The following CEP83 variants were observed in gnomAD, a reference collection of about 807,000 sequenced individuals.
CEP83 encodes centrosomal protein of 83 kDa.
A neutral mutation model predicts 101.9 loss-of-function variants in CEP83; 70 were observed. The observed-to-expected ratio is 0.69, with a 90% confidence interval of 0.57 to 0.84. The LOEUF is 0.84. Ranked by LOEUF, CEP83 falls within the 40% of genes least tolerant of loss-of-function variation. The pLI is 0.00. For missense variants in CEP83, 715 were observed against 787.2 expected (o/e 0.91, Z 1.10); for synonymous variants, 264 against 267.9 (o/e 0.99, Z 0.14).
chr12:94,272,848 A>G, the CEP83 span, among the ~76,000 whole-genome samples: 651 of 152,310 alleles, frequency 4.3e-3, 19 homozygotes, highest in Admixed American at 0.039. Flanking sequence ...GGGGTTCAAT[A>G]TCAAGCTGGG....
chr12:94,410,864 T>A (rs1428116930), intron 4 of CEP83, among the ~76,000 whole-genome samples: 1 of 152,106 alleles, frequency 6.6e-6, no homozygotes, highest in African/African-American at 2.4e-5. Context: ...AATGGTAGAT[T>A]TGAAAAAGTT....
At chr12:94,406,603 A>C (rs2063549602) in intron 4 of CEP83, among the ~76,000 whole-genome samples, 1 of 152,120 alleles carries the variant, frequency 6.6e-6, no homozygotes, top group African/African-American at 2.4e-5. Context: ...GAACTAGAGA[A>C]AAGACTGAAC....
intron 4 of CEP83, 145 bp downstream of exon 4, chr12:94,411,549 AAAG>A (rs2063882487): frequency 3.3e-6 from 2 of 601,422 alleles, no homozygotes; most frequent in Admixed American, 3.0e-5. Context: ...AAAATATATG[AAAG>A]AAGATTAAAT....
At chr12:94,449,933 A>G (rs2067127061) in intron 1 of CEP83, among the ~76,000 whole-genome samples, 2 of 152,180 alleles carry the variant, frequency 1.3e-5, no homozygotes, top group Admixed American at 1.3e-4. Context: ...AGATGCAGGA[A>G]AAAACATGAC....
chr12:94,363,786 A>C (rs11107519), intron 11 of CEP83, among the ~76,000 whole-genome samples: 1 of 151,752 alleles, frequency 6.6e-6, no homozygotes, highest in Non-Finnish European at 1.5e-5. Flanking sequence ...GCATCTCTAC[A>C]AAAATACAAA....
chr12:94,448,981 A>C (rs1419145620), intron 1 of CEP83, among the ~76,000 whole-genome samples: 1 of 148,662 alleles, frequency 6.7e-6, no homozygotes, highest in Admixed American at 6.8e-5. Context: ...AAAAATAATC[A>C]GTGAAATAAA....
intron 11 of CEP83, among the ~76,000 whole-genome samples, chr12:94,346,100 G>C (rs961937378): frequency 6.6e-6 from 1 of 152,012 alleles, no homozygotes; most frequent in African/African-American, 2.4e-5. Context: ...GCCCAGGCTG[G>C]AGTGCAATGG....
chr12:94,413,587 G>A (rs1353120302), intron 2 of CEP83, among the ~76,000 whole-genome samples: 2 of 152,100 alleles, frequency 1.3e-5, no homozygotes, highest in African/African-American at 2.4e-5. Flanking sequence ...CCAGACTACA[G>A]ATTCACATGA....
intron 11 of CEP83, among the ~76,000 whole-genome samples, chr12:94,364,268 A>G (rs2060915168): frequency 1.3e-5 from 2 of 152,228 alleles, no homozygotes; most frequent in Admixed American, 1.3e-4. Context: ...TTATTTTTAC[A>G]TGTATTTTAA....
At position 94,412,441 on chromosome 12, in the gene CEP83, G is replaced by A. The variant is rs980569493; in HGVS notation, c.50C>T (p.Pro17Leu). The A allele has an allele frequency of 1.2e-5, 20 of 1,612,170 alleles. No individual in the cohort carries two copies. In the Admixed American group the frequency reaches 1.3e-4, roughly 11 times the overall value. ...TGTCAATCCACTGTCTCCACCAGGA[G>A]GAAAATTATTGGGAAAAGTGTCCAT... ...TDMDTFPNNF[P>L]PGGDSGLTGS... Residue 17 changes from proline (P) to leucine (L), a missense_variant, in exon 3 of 17, where the codon CCT becomes CTT. By Grantham distance (98) the Pro-to-Leu change is moderately conservative. Transcript: ENST00000397809.
chr12:94,353,092 A>G (rs2060278019), intron 11 of CEP83, among the ~76,000 whole-genome samples: 1 of 152,176 alleles, frequency 6.6e-6, no homozygotes, highest in South Asian at 2.1e-4. Flanking sequence ...TCTATAAACA[A>G]CAAGAAAAAA....
At chr12:94,300,865 C>CA in the CEP83 span, 1 of 1,573,214 alleles carries the variant, frequency 6.4e-7, no homozygotes, top group South Asian at 1.1e-5. Context: ...CCATTGGCTT[C>CA]ATGAATGGCC....
Position 94,411,843 on chromosome 12 carries a change from GC to G in CEP83, c.177del (p.Leu59PhefsTer6). On this transcript the variant is annotated frameshift_variant, in exon 4 of 17. Coordinates refer to ENST00000397809, the MANE Select transcript of CEP83 (RefSeq NM_016122.3). LOFTEE classifies it high-confidence loss of function. ...YQTLKAEHTRLQNEHVKLQNE... is the reference protein window; with the variant it reads ...YQTLKAEHTRXQNEHVKLQNE... ...TTTTGTAACTTTACATGTTCATTCT[GC>G]AACCTGGTTTTTTTTAAAGAGAATT... 4 of 1,607,968 alleles carry G rather than the reference GC, an allele frequency of 2.5e-6. No homozygotes were observed. Among genetic ancestry groups the G allele is most frequent in the Non-Finnish European group, 3.4e-6 (4 of 1,178,232 alleles).
chr12:94,401,167 T>C (rs1201493056), intron 5 of CEP83, 186 bp from the exon 6 acceptor site: 1 of 284,408 alleles, frequency 3.5e-6, no homozygotes, highest in Non-Finnish European at 6.4e-6. Context: ...CATACAGAAG[T>C]AGTACATTCC....
At chr12:94,360,282 T>C (rs1395480328) in intron 11 of CEP83, among the ~76,000 whole-genome samples, 2 of 151,990 alleles carry the variant, frequency 1.3e-5, no homozygotes, top group East Asian at 3.9e-4. Context: ...CCAAAGCAAT[T>C]AGGCATGAGA....
Position 94,412,365 on chromosome 12 carries a change from A to C in CEP83, c.126T>G (p.Cys42Trp). 6.2e-7 allele frequency: 1 copy of C among 1,612,434 alleles called. No individual in the cohort carries two copies. The change falls in exon 3 of 17, where the codon TGT (cysteine) becomes TGG (tryptophan). Residue 42 changes from cysteine (C) to tryptophan (W), a missense_variant. Transcript: ENST00000397809. ...QKMLIDERLRCEHHKANYQTL... is the reference protein window; with the variant it reads ...QKMLIDERLRWEHHKANYQTL... ...TCTGATAATTAGCTTTATGATGCTC[A>C]CATCGTAACCTTTCATCAATTAACA...
chr12:94,284,173 A>T, the CEP83 span, among the ~76,000 whole-genome samples: 14 of 151,604 alleles, frequency 9.2e-5, no homozygotes, highest in South Asian at 6.3e-4. Context: ...TATCCCCAGG[A>T]GCAATTTGGG....
At chr12:94,268,626 C>T in the CEP83 span, among the ~76,000 whole-genome samples, 1 of 112,326 alleles carries the variant, frequency 8.9e-6, no homozygotes, top group Non-Finnish European at 1.7e-5. Context: ...TTAAGGAATA[C>T]CACTCTAGTG....
intron 1 of CEP83, among the ~76,000 whole-genome samples, chr12:94,440,307 C>G (rs1393763923): frequency 6.6e-6 from 1 of 152,108 alleles, no homozygotes; most frequent in East Asian, 1.9e-4. Context: ...ATCCAAAAAG[C>G]TCCTATAACT....
Sources: gnomAD v4.1 joint callset for allele counts (sites outside exome capture counted in the v4.1 genomes callset) on GRCh38, gnomAD v4.1.1 for gene constraint, MANE v1.5 for transcripts, NCBI Gene and HGNC (gene_info 2026-07-23, HGNC 2026-07-21) for gene names.